Variants in R3HDM1 observed in about 807,000 individuals in gnomAD.
R3HDM1 encodes R3H domain-containing protein 1.
A neutral mutation model predicts 141.1 loss-of-function variants in R3HDM1; 46 were observed. The ratio of observed to expected loss-of-function variants is 0.33; its 90% CI spans 0.26 to 0.42. R3HDM1 has a LOEUF of 0.42. Ranked by LOEUF, R3HDM1 falls within the 10% of genes least tolerant of loss-of-function variation. The pLI is 1.00. For missense variants in R3HDM1, 1,184 were observed against 1,368.3 expected (o/e 0.87, Z 2.12); for synonymous variants, 435 against 472.9 (o/e 0.92, Z 1.04).
At chr2:135,622,135 T>C in intron 6 of R3HDM1, 1 of 983,474 alleles carries the variant, frequency 1.0e-6, no homozygotes. Flanking sequence ...AAGGCGAAGA[T>C]AGCATGAATA....
At chr2:135,588,536 TAAAG>T (rs919919743) in intron 1 of R3HDM1, among the ~76,000 whole-genome samples, 7 of 152,188 alleles carry the variant, frequency 4.6e-5, no homozygotes, top group African/African-American at 9.6e-5. Flanking sequence ...AACCATTAGA[TAAAG>T]AAATTAAATA....
intron 7 of R3HDM1, among the ~76,000 whole-genome samples, chr2:135,627,318 C>T: frequency 6.6e-6 from 1 of 152,160 alleles, no homozygotes; most frequent in East Asian, 1.9e-4. Flanking sequence ...TTTAGTCAGC[C>T]TTTCCTTTTT....
chr2:135,689,632 C>T (rs1395118294), intron 21 of R3HDM1, among the ~76,000 whole-genome samples: 1 of 152,184 alleles, frequency 6.6e-6, no homozygotes, highest in Non-Finnish European at 1.5e-5. Flanking sequence ...ACTTTCAGCT[C>T]ATCCTTTCAG....
chr2:135,639,213 C>G, intron 14 of R3HDM1, 91 bp downstream of exon 14: 2 of 1,256,004 alleles, frequency 1.6e-6, no homozygotes, highest in South Asian at 2.8e-5. Context: ...TTCTAATTAT[C>G]CTAAAATATA....
intron 8 of R3HDM1, 38 bp downstream of exon 8, chr2:135,631,815 C>A: frequency 6.3e-7 from 1 of 1,574,992 alleles, no homozygotes; most frequent in South Asian, 1.2e-5. Flanking sequence ...AAATTGTCAT[C>A]ACCATTCTCC....
chr2:135,617,374 A>G lies in R3HDM1; in HGVS notation c.303+617A>G, dbSNP rs188606816. Among the ~76,000 whole-genome samples, 25 of 152,132 alleles carry G rather than the reference A, an allele frequency of 1.6e-4. No homozygotes were observed. In the East Asian group the frequency reaches 4.8e-3, roughly 29 times the overall value. ...TAAGGTAGCATTTCCAGTGAATATA[A>G]TTGTGGTGAAATTTGCCCTTTTAGT... On this transcript the variant is annotated intron_variant, in intron 5 of 26. Transcript: ENST00000683871.
At chr2:135,561,268 A>G (rs1047193749) in intron 1 of R3HDM1, 9 of 983,880 alleles carry the variant, frequency 9.1e-6, no homozygotes, top group Admixed American at 6.1e-5. Context: ...TAGTGAGCCA[A>G]AGTCCTGATT....
intron 1 of R3HDM1, among the ~76,000 whole-genome samples, chr2:135,591,422 A>G (rs527943091): frequency 1.3e-5 from 2 of 152,212 alleles, no homozygotes; most frequent in Non-Finnish European, 2.9e-5. Flanking sequence ...CTAAAATACG[A>G]TAAGACTGAG....
At chr2:135,641,162 A>T (rs2063751185) in intron 14 of R3HDM1, among the ~76,000 whole-genome samples, 1 of 152,178 alleles carries the variant, frequency 6.6e-6, no homozygotes. Flanking sequence ...TTGCTGTACT[A>T]AATTCTTTTT....
chr2:135,654,574 G>A (rs1574741767), intron 18 of R3HDM1, among the ~76,000 whole-genome samples: 1 of 151,902 alleles, frequency 6.6e-6, no homozygotes, highest in Admixed American at 6.6e-5. Context: ...TCAGCCCCCC[G>A]AGTAGCTGGG....
intron 1 of R3HDM1, among the ~76,000 whole-genome samples, chr2:135,542,883 T>C (rs549263852): frequency 1.3e-5 from 2 of 152,212 alleles, no homozygotes; most frequent in Admixed American, 1.3e-4. Context: ...GGATTACAAG[T>C]GTGTGCCACC....
chr2:135,679,827 C>G (rs919583473), intron 20 of R3HDM1, among the ~76,000 whole-genome samples: 7 of 152,156 alleles, frequency 4.6e-5, no homozygotes, highest in African/African-American at 2.4e-5. Context: ...CTCCTGTAAT[C>G]CCAGCACTTT....
At chr2:135,577,053 AAAAC>A (rs1363112853) in intron 1 of R3HDM1, 1 of 902,510 alleles carries the variant, frequency 1.1e-6, no homozygotes, top group African/African-American at 1.8e-5. Flanking sequence ...AGAAAAAAAA[AAAAC>A]CTCCAAACAG....
At chr2:135,676,972 A>C (rs1246028584) in intron 20 of R3HDM1, among the ~76,000 whole-genome samples, 2 of 152,206 alleles carry the variant, frequency 1.3e-5, no homozygotes, top group Admixed American at 1.3e-4. Flanking sequence ...TGTACAGACT[A>C]GTAACTGAGA....
At chr2:135,537,433 C>A (rs907991877) in intron 1 of R3HDM1, among the ~76,000 whole-genome samples, 1 of 150,250 alleles carries the variant, frequency 6.7e-6, no homozygotes, top group African/African-American at 2.4e-5. Context: ...ACTATAGTCA[C>A]GAGCCATCAT....
chr2:135,559,022 C>T, intron 1 of R3HDM1: 1 of 980,332 alleles, frequency 1.0e-6, no homozygotes, highest in Non-Finnish European at 1.2e-6. Context: ...ACTAAAATAC[C>T]TTATCAGTGG....
intron 3 of R3HDM1, among the ~76,000 whole-genome samples, chr2:135,613,391 ATC>A (rs1218105578): frequency 6.6e-6 from 1 of 152,082 alleles, no homozygotes; most frequent in Non-Finnish European, 1.5e-5. Flanking sequence ...CACGCTTTAA[ATC>A]TCTCTGACTT....
At position 135,722,499 on chromosome 2, in the gene R3HDM1, G is replaced by A. The variant is rs772027269; in HGVS notation, c.2995G>A (p.Gly999Arg). 3 of 1,613,674 alleles carry A rather than the reference G, an allele frequency of 1.9e-6. No homozygotes were observed. Among genetic ancestry groups the A allele is most frequent in the Non-Finnish European group, 2.5e-6 (3 of 1,180,012 alleles). ...GCCTGGCAGCAGGCATGGAAACCGA[G>A]GAAGGAGACAAGCTAAAAAAGCTGC... ...GQPGSRHGNR[G>R]RRQAKKAAST... is the part of the protein sequence containing the mutation. Residue 999 changes from glycine (G) to arginine (R), a missense_variant, in exon 26 of 27, where the codon GGA (glycine) becomes AGA (arginine). Around this residue, in one of 5 missense-constraint regions of R3HDM1, gnomAD observed 182 missense variants for 252.6 expected, o/e 0.72. Coordinates refer to ENST00000683871, the MANE Select transcript of R3HDM1 (RefSeq NM_001378107.1).
intron 1 of R3HDM1, among the ~76,000 whole-genome samples, chr2:135,596,403 G>A (rs2059192164): frequency 6.6e-6 from 1 of 152,122 alleles, no homozygotes. Flanking sequence ...AAAAAAAGGA[G>A]CATTATAACA....
Sources: gnomAD v4.1 joint callset for allele counts (sites outside exome capture counted in the v4.1 genomes callset) on GRCh38, gnomAD v4.1.1 for gene constraint, gnomAD v4.1.1 regional missense constraint, MANE v1.5 for transcripts, NCBI Gene and HGNC (gene_info 2026-07-23, HGNC 2026-07-21) for gene names.